The following AGAP1 variants were observed in gnomAD, a reference collection of about 807,000 sequenced individuals.
The protein encoded by AGAP1 is arf-GAP with GTPase, ANK repeat and PH domain-containing protein 1.
In AGAP1, 29 loss-of-function variants were observed where a neutral mutation model predicts 105.3. The observed-to-expected ratio is 0.28, with a 90% CI of 0.21 to 0.38. The LOEUF is 0.38. Ranked by LOEUF, AGAP1 falls within the 10% of genes least tolerant of loss-of-function variation. The pLI, the probability that AGAP1 is intolerant of heterozygous loss-of-function variation, is 1.00. For synonymous variants in AGAP1, 509 were observed against 485.9 expected (o/e 1.05, Z -0.63); for missense variants, 998 against 1,165.1 (o/e 0.86, Z 2.09).
chr2:235,876,664 C>T (rs1559595401), intron 9 of AGAP1, among the ~76,000 whole-genome samples: 1 of 152,192 alleles, frequency 6.6e-6, no homozygotes, highest in Non-Finnish European at 1.5e-5. Flanking sequence ...ACAACTAAAG[C>T]CTGACTTTGT....
At chr2:235,628,189 A>C (rs1356716641) in intron 1 of AGAP1, among the ~76,000 whole-genome samples, 1 of 152,158 alleles carries the variant, frequency 6.6e-6, no homozygotes. Flanking sequence ...GCCAGCCCCC[A>C]GCACACGTCA....
rs978323484 is a variant in AGAP1 at position 235,976,981 on chromosome 2, A to G, written c.1645+8358A>G. Among the ~76,000 whole-genome samples, 1 of 152,214 alleles carries G rather than the reference A, an allele frequency of 6.6e-6. No individual in the cohort carries two copies. The highest frequency in any genetic ancestry group is 1.5e-5 in the Non-Finnish European group (1 of 68,026). ...TCCTTAGCCTGCTACACAGAAGCAT[A>G]AACTCACCTTTGAAAAATGCTGACT... On this transcript the variant is annotated intron_variant, in intron 13 of 17. Coordinates refer to ENST00000304032, the MANE Select transcript of AGAP1 (RefSeq NM_001037131.3). The surrounding 1 kb of genome is among the most constrained non-coding windows in gnomAD (Gnocchi z 4.5).
chr2:235,897,468 C>G (rs2050860443), intron 10 of AGAP1, among the ~76,000 whole-genome samples: 1 of 152,108 alleles, frequency 6.6e-6, no homozygotes, highest in African/African-American at 2.4e-5. Context: ...ATGTGTGTTT[C>G]TATAAATAGC....
intron 9 of AGAP1, among the ~76,000 whole-genome samples, chr2:235,819,936 T>C (rs1396749593): frequency 6.8e-6 from 1 of 146,946 alleles, no homozygotes; most frequent in Non-Finnish European, 1.5e-5. Context: ...GGAGTTTTGC[T>C]CTTGTTGCCC....
rs1205771315 is a variant in AGAP1 at position 235,589,189 on chromosome 2, G to GTTTTTTTTTTTTTTTTTTTTTTTT, written c.163+94344_163+94345insTTTTTTTTTTTTTTTTTTTTTTTT. 1.1e-4 allele frequency among the ~76,000 whole-genome samples: 6 copies of GTTTTTTTTTTTTTTTTTTTTTTTT among 54,926 alleles called. 2 individuals carry two copies. The highest frequency in any genetic ancestry group is 5.1e-5 in the African/African-American group (1 of 19,758). 36.0% of individuals were successfully genotyped at this position (54,926 alleles called of 152,430 possible). On this transcript the variant is annotated intron_variant, in intron 1 of 17. Transcript: ENST00000304032. ...GAGAACTACCAGTTAATAGCTTATT[G>GTTTTTTTTTTTTTTTTTTTTTTTT]TTTTGTTTTTTTTTTTTTTTTTTTT...
rs528835378 is a variant in AGAP1, at chr2:235,642,874, G to C, written c.164-66305G>C. Among the ~76,000 whole-genome samples the C allele has an allele frequency of 1.6e-4, 24 of 152,294 alleles. No individual in the cohort carries two copies. Among genetic ancestry groups the C allele is most frequent in the African/African-American group, 5.8e-4 (24 of 41,560 alleles). ...GTTGCTGAGTCTTGGCAGATTTCTC[G>C]TGGCCTAGACTGTGGTGTTTGGGGC... is the stretch of plus-strand genomic sequence containing the variant. On this transcript the variant is annotated intron_variant, in intron 1 of 17. Transcript: ENST00000304032. This position sits in a 1 kb window ranked among gnomAD's most constrained non-coding sequence, Gnocchi z 4.1.
intron 6 of AGAP1, among the ~76,000 whole-genome samples, chr2:235,760,373 C>T (rs999770311): frequency 1.2e-4 from 19 of 152,220 alleles, no homozygotes; most frequent in Admixed American, 4.6e-4. Context: ...AGCGAGACTC[C>T]GTCTCAAAAA....
intron 1 of AGAP1, among the ~76,000 whole-genome samples, chr2:235,677,460 C>G (rs568772601): frequency 1.3e-5 from 2 of 152,074 alleles, no homozygotes; most frequent in Admixed American, 1.3e-4. Flanking sequence ...GGGAAAATGA[C>G]GGTTTCTTTC....
rs575412477 is a variant in AGAP1, at chr2:235,551,672, G to C, written c.163+56823G>C. On this transcript the variant is annotated intron_variant, in intron 1 of 17. Coordinates refer to ENST00000304032, the MANE Select transcript of AGAP1 (RefSeq NM_001037131.3). This position sits in a 1 kb window ranked among gnomAD's most constrained non-coding sequence, Gnocchi z 4.8. The stretch of plus-strand genomic sequence containing the variant: ...TTTCTTTCCAAGGCACGTGGCAGGT[G>C]GGTGCTGTTTCTTTCCTGCAGGATG... 5.9e-5 allele frequency among the ~76,000 whole-genome samples: 9 copies of C among 152,368 alleles called. No homozygotes were observed. The South Asian group carries it at 1.9e-3, about 32-fold the overall frequency.
At chr2:235,765,550 T>A (rs1294503334) in intron 6 of AGAP1, among the ~76,000 whole-genome samples, 1 of 152,144 alleles carries the variant, frequency 6.6e-6, no homozygotes, top group African/African-American at 2.4e-5. Flanking sequence ...CCTGGTGCCG[T>A]GAGCACAGCC....
In AGAP1 at chr2:235,793,840, T is replaced by G. The variant is rs1957114808; in HGVS notation, c.674-3919T>G. ...AAGTCTTGTTTGGGAGCTGTTGTCT[T>G]ATTTTTAACCACTAATTAAAGGGTG... On this transcript the variant is annotated intron_variant, in intron 6 of 17. Transcript: ENST00000304032. The surrounding 1 kb of genome is among the most constrained non-coding windows in gnomAD (Gnocchi z 5.3). Among the ~76,000 whole-genome samples, 1 of 152,218 alleles carries G rather than the reference T, an allele frequency of 6.6e-6. No homozygotes were observed. Among genetic ancestry groups the G allele is most frequent in the African/African-American group, 2.4e-5 (1 of 41,452 alleles).
chr2:235,502,951 C>CTTCAATTA, intron 1 of AGAP1, among the ~76,000 whole-genome samples: 1 of 89,056 alleles, frequency 1.1e-5, no homozygotes, highest in African/African-American at 3.6e-5. Flanking sequence ...AGCTTCAATT[C>CTTCAATTA]AATAAGTTTT....
rs2056850968 is a variant in AGAP1, at chr2:236,020,569, G to A, written c.1646-15992G>A. Among the ~76,000 whole-genome samples the A allele has an allele frequency of 6.6e-6, 1 of 152,024 alleles. No individual in the cohort carries two copies. The highest frequency in any genetic ancestry group is 2.4e-5 in the African/African-American group (1 of 41,384). ...CTGTGTGGCTTGGGATGCTTTCCTG[G>A]GTCTGTCCTTCCTCTCTGTTCTTTT... On this transcript the variant is annotated intron_variant, in intron 13 of 17. Coordinates refer to ENST00000304032, the MANE Select transcript of AGAP1 (RefSeq NM_001037131.3). This position sits in a 1 kb window ranked among gnomAD's most constrained non-coding sequence, Gnocchi z 5.0.
chr2:236,071,085 G>A (rs190056648), intron 16 of AGAP1, among the ~76,000 whole-genome samples: 9 of 152,364 alleles, frequency 5.9e-5, no homozygotes, highest in East Asian at 1.9e-4. Flanking sequence ...GGAAGCCCAC[G>A]GCTTTGCCGG....
At chr2:235,892,385 C>T (rs1301773918) in intron 10 of AGAP1, among the ~76,000 whole-genome samples, 7 of 152,072 alleles carry the variant, frequency 4.6e-5, no homozygotes, top group African/African-American at 7.2e-5. Context: ...TTCTGTGTGT[C>T]GTCAAAGTTT....
intron 13 of AGAP1, among the ~76,000 whole-genome samples, chr2:235,995,842 G>A (rs116480939): frequency 0.012 from 1,863 of 152,256 alleles, 52 homozygotes; most frequent in African/African-American, 0.043. Flanking sequence ...TCTTGCCTCT[G>A]GCTCTTCTCT....
chr2:235,562,442 C>G (rs1033306266), intron 1 of AGAP1, among the ~76,000 whole-genome samples: 1 of 152,062 alleles, frequency 6.6e-6, no homozygotes, highest in Non-Finnish European at 1.5e-5. Flanking sequence ...CTGAATAGCA[C>G]GGATTGCACG....
intron 1 of AGAP1, among the ~76,000 whole-genome samples, chr2:235,583,873 T>TG (rs1553572005): frequency 7.5e-6 from 1 of 133,248 alleles, no homozygotes; most frequent in African/African-American, 2.9e-5. Flanking sequence ...GATCATGTCT[T>TG]AAAAAAAAAA....
chr2:235,572,111 C>A (rs78462297), intron 1 of AGAP1, among the ~76,000 whole-genome samples: 3,716 of 150,432 alleles, frequency 0.025, 152 homozygotes, highest in African/African-American at 0.087. Flanking sequence ...GGCTTAGCCT[C>A]TAATTTGGGT....
Sources: allele counts gnomAD v4.1 joint callset (sites outside exome capture counted in the v4.1 genomes callset), GRCh38; gene constraint gnomAD v4.1.1; non-coding constraint Gnocchi (gnomAD v3.1); transcripts MANE v1.5; gene names NCBI Gene and HGNC (gene_info 2026-07-23, HGNC 2026-07-21).